Variants in WDR72 observed in about 807,000 individuals in gnomAD.
The protein encoded by WDR72 is WD repeat-containing protein 72.
Under a neutral mutation model 124.2 loss-of-function variants are expected in WDR72, and 120 were observed. The observed-to-expected ratio is 0.97, with a 90% CI of 0.83 to 1.12. The LOEUF (loss-of-function observed/expected upper bound fraction) is 1.12. Among genes scored for constraint, WDR72 ranks in the 50% most tolerant of loss-of-function variants. The probability of loss-of-function intolerance (pLI) is 0.00; values close to 1 mark genes in which losing one functional copy is unlikely to be tolerated. For missense variants in WDR72, 1,387 were observed against 1,278.8 expected (o/e 1.08, Z -1.29); for synonymous variants, 452 against 441.7 (o/e 1.02, Z -0.29).
intron 2 of WDR72, among the ~76,000 whole-genome samples, chr15:53,731,212 A>T (rs558123594): frequency 4.6e-5 from 7 of 152,110 alleles, no homozygotes; most frequent in Middle Eastern, 3.4e-3. Flanking sequence ...CAACTTCTCC[A>T]CGCCTAGGCC....
intron 1 of WDR72, among the ~76,000 whole-genome samples, chr15:53,740,523 C>T (rs1053510924): frequency 1.3e-5 from 2 of 152,094 alleles, no homozygotes; most frequent in Non-Finnish European, 2.9e-5. Context: ...GTCTCAATCT[C>T]CTGACCTCGT....
rs67234674 is a variant in WDR72, at chr15:53,715,660, AAAC to A, written c.340-296_340-294del. ...TATTTCTGGAGTGCAACTTGGAACT[AAAC>A]AACAACAACAGGACCAGGCACAGTG... On this transcript the variant is annotated intron_variant, in intron 4 of 19. Coordinates refer to ENST00000360509, the MANE Select transcript of WDR72 (RefSeq NM_182758.4). Among the ~76,000 whole-genome samples, 56,555 of 151,718 alleles carry A rather than the reference AAAC, an allele frequency of 0.37. 11,850 individuals carry two copies. Among genetic ancestry groups the A allele is most frequent in the Middle Eastern group, 0.6 (175 of 292 alleles).
intron 1 of WDR72, among the ~76,000 whole-genome samples, chr15:53,756,184 G>A (rs563770802): frequency 6.6e-6 from 1 of 152,282 alleles, no homozygotes; most frequent in East Asian, 1.9e-4. Flanking sequence ...TGAATCATGA[G>A]GATGGTTTCC....
rs34023014 is a variant in WDR72, at chr15:53,515,086, T to TGTATGCACACAC, written c.*2612_*2613insGTGTGTGCATAC. ...ATATACACACATATATATGTATGTATACACACACACACACACACACAAATA... is the reference window on the plus strand; with the variant it reads ...ATATACACACATATATATGTATGTATGTATGCACACACACACACACACACACACACACAAATA... On this transcript the variant is annotated 3_prime_UTR_variant, in exon 20 of 20. Transcript: ENST00000360509. 1 of 87,206 alleles carries TGTATGCACACAC rather than the reference T, an allele frequency of 1.1e-5. No homozygotes were observed. Among genetic ancestry groups the TGTATGCACACAC allele is most frequent in the Non-Finnish European group, 2.5e-5 (1 of 39,754 alleles). 5.4% of individuals were successfully genotyped at this position (87,206 alleles called of 1,614,324 possible).
At chr15:53,614,556 C>T (rs1480546457) in intron 15 of WDR72, among the ~76,000 whole-genome samples, 2 of 152,066 alleles carry the variant, frequency 1.3e-5, no homozygotes, top group African/African-American at 2.4e-5. Context: ...TAATGAAAGG[C>T]GTACCAAAAG....
chr15:53,557,337 G>C (rs1893967334), intron 18 of WDR72, among the ~76,000 whole-genome samples: 1 of 152,054 alleles, frequency 6.6e-6, no homozygotes, highest in Admixed American at 6.6e-5. Context: ...AAAACTGACT[G>C]CTGCCTTTAG....
At chr15:53,747,312 A>G (rs2018666737) in intron 1 of WDR72, among the ~76,000 whole-genome samples, 1 of 152,192 alleles carries the variant, frequency 6.6e-6, no homozygotes, top group East Asian at 1.9e-4. Flanking sequence ...AACACATAAC[A>G]TTCTGTCTGG....
At chr15:53,655,881 C>T (rs1050796111) in intron 14 of WDR72, among the ~76,000 whole-genome samples, 10 of 152,078 alleles carry the variant, frequency 6.6e-5, no homozygotes, top group Admixed American at 2.0e-4. Flanking sequence ...TTAGTAGAGA[C>T]GGGGTTTCAC....
At chr15:53,543,158 C>G (rs1893242975) in intron 18 of WDR72, among the ~76,000 whole-genome samples, 1 of 142,976 alleles carries the variant, frequency 7.0e-6, no homozygotes, top group African/African-American at 2.6e-5. Context: ...TAGACATCTA[C>G]AGAACTCTCC....
rs188922992 is a variant in WDR72, at chr15:53,516,786, C to G, written c.*913G>C. Reference sequence around the variant, plus strand: ...ATAATTTTGATGATTTTCTGTAAATCGAGGAACTGTACAATATAAATCATA... The same window carrying G: ...ATAATTTTGATGATTTTCTGTAAATGGAGGAACTGTACAATATAAATCATA... On this transcript the variant is annotated 3_prime_UTR_variant, in exon 20 of 20. Coordinates refer to ENST00000360509, the MANE Select transcript of WDR72 (RefSeq NM_182758.4). 15 of 151,976 alleles carry G rather than the reference C, an allele frequency of 9.9e-5. No individual in the cohort carries two copies. In the East Asian group the frequency reaches 2.9e-3, roughly 29 times the overall value. The allele number at this position is 151,976 out of a possible 1,614,324, so 9.4% of individuals were successfully genotyped here. A position where few individuals can be genotyped will look rare whatever the true frequency, so the allele number is the denominator to read the frequency against.
chr15:53,723,506 A>G (rs766941307), intron 2 of WDR72, among the ~76,000 whole-genome samples: 1 of 152,222 alleles, frequency 6.6e-6, no homozygotes, highest in Non-Finnish European at 1.5e-5. Flanking sequence ...TGTTCATTGT[A>G]GCATTATTCA....
intron 2 of WDR72, among the ~76,000 whole-genome samples, chr15:53,731,750 T>C (rs2018209498): frequency 6.6e-6 from 1 of 152,084 alleles, no homozygotes; most frequent in Non-Finnish European, 1.5e-5. Context: ...TGTAACCTCC[T>C]GGGCAGCCAG....
chr15:53,726,663 G>T (rs893053154), intron 2 of WDR72, among the ~76,000 whole-genome samples: 12 of 151,954 alleles, frequency 7.9e-5, no homozygotes, highest in African/African-American at 2.9e-4. Context: ...GCAATGTAGT[G>T]AGACCTCATC....
chr15:53,571,008 T>C (rs1431200669), intron 18 of WDR72, among the ~76,000 whole-genome samples: 3 of 152,092 alleles, frequency 2.0e-5, no homozygotes, highest in African/African-American at 4.8e-5. Context: ...TTCTCACTTA[T>C]AAATGGAGCC....
At chr15:53,628,900 G>A (rs961613364) in intron 14 of WDR72, among the ~76,000 whole-genome samples, 2 of 151,964 alleles carry the variant, frequency 1.3e-5, no homozygotes, top group Admixed American at 6.6e-5. Flanking sequence ...GAAACACAAA[G>A]TGCTAAGTGA....
intron 1 of WDR72, among the ~76,000 whole-genome samples, chr15:53,755,685 T>C (rs2018883217): frequency 6.6e-6 from 1 of 152,192 alleles, no homozygotes; most frequent in Non-Finnish European, 1.5e-5. Flanking sequence ...CCCATGATGC[T>C]GACAGATCAT....
chr15:53,749,421 A>G (rs2018721577), intron 1 of WDR72, among the ~76,000 whole-genome samples: 1 of 152,048 alleles, frequency 6.6e-6, no homozygotes, highest in Non-Finnish European at 1.5e-5. Context: ...TTAATTGGTA[A>G]ATTAAGTTTT....
intron 18 of WDR72, among the ~76,000 whole-genome samples, chr15:53,554,581 C>T (rs943007519): frequency 5.9e-5 from 9 of 152,072 alleles, no homozygotes; most frequent in African/African-American, 1.9e-4. Context: ...TCCAGAAAGT[C>T]ACAACTTTTC....
In WDR72 at chr15:53,514,479, G is replaced by A. The variant is rs1183152311; in HGVS notation, c.*3220C>T. The A allele has an allele frequency of 1.3e-5, 2 of 151,926 alleles. No individual in the cohort carries two copies. Among genetic ancestry groups the A allele is most frequent in the Non-Finnish European group, 2.9e-5 (2 of 68,000 alleles). The allele number at this position is 151,926 out of a possible 1,614,324, so 9.4% of individuals were successfully genotyped here. A position where few individuals can be genotyped will look rare whatever the true frequency, so the allele number is the denominator to read the frequency against. ...AGAGAAATAGTATCTTTTCTAAAGT[G>A]TTCATTATAATAATTATGAAAGGAT... On this transcript the variant is annotated 3_prime_UTR_variant, in exon 20 of 20. Transcript: ENST00000360509.
Sources: allele counts gnomAD v4.1 joint callset (sites outside exome capture counted in the v4.1 genomes callset), GRCh38; gene constraint gnomAD v4.1.1; transcripts MANE v1.5; gene names NCBI Gene and HGNC (gene_info 2026-07-23, HGNC 2026-07-21).